The following FAR2 variants were observed in gnomAD, a reference collection of about 807,000 sequenced individuals.
FAR2 encodes fatty acyl-CoA reductase 2.
A neutral mutation model predicts 56.0 loss-of-function variants in FAR2; 19 were observed. The ratio of observed to expected loss-of-function variants is 0.34; its 90% confidence interval spans 0.24 to 0.50. The LOEUF (loss-of-function observed/expected upper bound fraction) is 0.50, where lower values mean the gene tolerates loss of function less well. Ranked by LOEUF, FAR2 falls within the 20% of genes least tolerant of loss-of-function variation. The pLI is 0.98. For missense variants in FAR2, 508 were observed against 642.2 expected (o/e 0.79, Z 2.26); for synonymous variants, 219 against 218.8 (o/e 1.00, Z -0.01).
At chr12:29,199,679 G>A (rs1947381967) in intron 1 of FAR2, among the ~76,000 whole-genome samples, 1 of 113,834 alleles carries the variant, frequency 8.8e-6, no homozygotes. Context: ...GAATGGACAA[G>A]ATTCACATAT....
Position 29,157,106 on chromosome 12 carries a change from TTATATATATATATATA to T in FAR2, c.-39+7723_-39+7738del, listed in dbSNP as rs5797307. On this transcript the variant is annotated intron_variant, in intron 1 of 11. Transcript: ENST00000536681. ...CACCAGTATTAAAGCAAAGAACATTTTATATATATATATATATATATATATATATATATATATATGT... is the reference window on the plus strand; with the variant it reads ...CACCAGTATTAAAGCAAAGAACATTTTATATATATATATATATATATATGT... 1.9e-3 allele frequency: 141 copies of T among 73,448 alleles called. 2 individuals carry two copies. Among genetic ancestry groups the T allele is most frequent in the African/African-American group, 6.9e-3 (130 of 18,930 alleles). 4.5% of individuals were successfully genotyped at this position (73,448 alleles called of 1,614,324 possible). A position where few individuals can be genotyped will look rare whatever the true frequency, so the allele number is the denominator to read the frequency against.
rs1380288544 is a variant in FAR2 at position 29,334,002 on chromosome 12, G to C, written c.*208G>C. 2.4e-6 allele frequency: 1 copy of C among 422,176 alleles called. No individual in the cohort carries two copies. The allele number at this position is 422,176 out of a possible 1,614,324, so 26.2% of individuals were successfully genotyped here. ...CTAGCCCATAGTCACCTATATTTTA[G>C]GGAAAAAAATCCAAATTGTTTCCTA... On this transcript the variant is annotated 3_prime_UTR_variant, in exon 12 of 12. Coordinates refer to ENST00000536681, the MANE Select transcript of FAR2 (RefSeq NM_001271783.2).
Position 29,267,636 on chromosome 12 carries a change from G to A in FAR2, c.-38-2776G>A, listed in dbSNP as rs369163281. 3.3e-5 allele frequency among the ~76,000 whole-genome samples: 5 copies of A among 152,296 alleles called. No individual in the cohort carries two copies. The East Asian group carries it at 5.8e-4, about 18-fold the overall frequency. ...TGTTTCCAAGTGCTAAATTCTTGAG[G>A]AAGTCACTGGGTGAATTGTAATATA... On this transcript the variant is annotated intron_variant, in intron 1 of 11. Coordinates refer to ENST00000536681, the MANE Select transcript of FAR2 (RefSeq NM_001271783.2).
intron 1 of FAR2, among the ~76,000 whole-genome samples, chr12:29,179,176 C>T (rs1949968616): frequency 6.6e-6 from 1 of 152,170 alleles, no homozygotes; most frequent in Non-Finnish European, 1.5e-5. Context: ...TGGTCACATT[C>T]TGAGGTTATC....
chr12:29,208,347 G>A (rs1297432262), intron 1 of FAR2, among the ~76,000 whole-genome samples: 1 of 152,204 alleles, frequency 6.6e-6, no homozygotes, highest in African/African-American at 2.4e-5. Context: ...AGGCTAGACA[G>A]GGCAGTCTGC....
chr12:29,176,918 G>A (rs1949944614), intron 1 of FAR2, among the ~76,000 whole-genome samples: 1 of 152,212 alleles, frequency 6.6e-6, no homozygotes, highest in Non-Finnish European at 1.5e-5. Context: ...GGAGAAGGCA[G>A]AAATTATAGG....
At position 29,293,273 on chromosome 12, in the gene FAR2, G is replaced by T. The variant is rs1275152870; in HGVS notation, c.190-27G>T. On this transcript the variant is annotated intron_variant, in intron 2 of 11. Coordinates refer to ENST00000536681, the MANE Select transcript of FAR2 (RefSeq NM_001271783.2). Reference sequence around the variant, plus strand: ...TGTGATAATGATGGTGCTATTTTTTGTATATTGATCTATATTTATGTTTCA... The same window carrying T: ...TGTGATAATGATGGTGCTATTTTTTTTATATTGATCTATATTTATGTTTCA... 7 of 1,477,892 alleles carry T rather than the reference G, an allele frequency of 4.7e-6. No individual in the cohort carries two copies. The South Asian group carries it at 5.6e-5, about 12-fold the overall frequency. The allele number at this position is 1,477,892 out of a possible 1,614,324, so 91.5% of individuals were successfully genotyped here.
Position 29,334,608 on chromosome 12 carries a change from A to T in FAR2, c.*814A>T, listed in dbSNP as rs1949773251. ...TTCTAAAAGTTGCCAAACCCTTTATATTTAAGCTTTTTCCACTCAGGACTC... is the reference window on the plus strand; with the variant it reads ...TTCTAAAAGTTGCCAAACCCTTTATTTTTAAGCTTTTTCCACTCAGGACTC... On this transcript the variant is annotated 3_prime_UTR_variant, in exon 12 of 12. Transcript: ENST00000536681. 6.6e-6 allele frequency: 1 copy of T among 152,098 alleles called. No individual in the cohort carries two copies. The highest frequency in any genetic ancestry group is 2.4e-5 in the African/African-American group (1 of 41,440). 9.4% of individuals were successfully genotyped at this position (152,098 alleles called of 1,614,324 possible). A position where few individuals can be genotyped will look rare whatever the true frequency, so the allele number is the denominator to read the frequency against.
Position 29,230,144 on chromosome 12 carries a change from A to C in FAR2, c.-38-40268A>C, listed in dbSNP as rs551147731. Among the ~76,000 whole-genome samples the C allele has an allele frequency of 9.2e-5, 14 of 152,326 alleles. No individual in the cohort carries two copies. In the South Asian group the frequency reaches 2.7e-3, roughly 29 times the overall value. On this transcript the variant is annotated intron_variant, in intron 1 of 11. Coordinates refer to ENST00000536681, the MANE Select transcript of FAR2 (RefSeq NM_001271783.2). ...TCATCTGAATAAACAGATGACAGATAAACTATAAACAGATGACTAGAAACA... is the reference window on the plus strand; with the variant it reads ...TCATCTGAATAAACAGATGACAGATCAACTATAAACAGATGACTAGAAACA...
intron 1 of FAR2, among the ~76,000 whole-genome samples, chr12:29,211,006 A>AGT (rs556386106): frequency 1.3e-5 from 2 of 151,626 alleles, no homozygotes; most frequent in African/African-American, 2.4e-5. Flanking sequence ...TCATGCCTAT[A>AGT]GTGTGTGTGT....
At chr12:29,284,835 G>GTTTGTTTT (rs1173320011) in intron 2 of FAR2, among the ~76,000 whole-genome samples, 1 of 148,834 alleles carries the variant, frequency 6.7e-6, no homozygotes, top group Admixed American at 6.7e-5. Context: ...TTACTGTTTT[G>GTTTGTTTT]TTTGTTTGTT....
chr12:29,217,984 A>AGAGGAG lies in FAR2; in HGVS notation c.-38-52410_-38-52405dup, dbSNP rs143213052. On this transcript the variant is annotated intron_variant, in intron 1 of 11. Transcript: ENST00000536681. ...AATGGAATTCTGAAGAAGAAGACAA[A>AGAGGAG]GAGGAGGAGGAGGAGGAGGAGGAAG... is the stretch of plus-strand genomic sequence containing the variant. 8.9e-3 allele frequency among the ~76,000 whole-genome samples: 1,340 copies of AGAGGAG among 151,400 alleles called. 20 individuals carry two copies. Among genetic ancestry groups the AGAGGAG allele is most frequent in the African/African-American group, 0.028 (1,145 of 41,116 alleles).
chr12:29,299,903 C>T (rs1303960443), intron 4 of FAR2, among the ~76,000 whole-genome samples: 1 of 152,232 alleles, frequency 6.6e-6, no homozygotes, highest in African/African-American at 2.4e-5. Context: ...AGGCACCCTT[C>T]CCAAGTGCTC....
intron 2 of FAR2, among the ~76,000 whole-genome samples, chr12:29,287,363 TAGTGAACTAGCAACAATTTTA>T (rs1466854313): frequency 6.6e-6 from 1 of 152,246 alleles, no homozygotes; most frequent in Non-Finnish European, 1.5e-5. Context: ...TGAGAGTTAC[TAGTGAACTAGCAACAATTTTA>T]ACATTTTGTG....
chr12:29,270,400 C>T lies in FAR2; in HGVS notation c.-38-12C>T. 6.8e-7 allele frequency: 1 copy of T among 1,465,896 alleles called. No individual in the cohort carries two copies. Among genetic ancestry groups the T allele is most frequent in the Non-Finnish European group, 9.1e-7 (1 of 1,093,504 alleles). The allele number at this position is 1,465,896 out of a possible 1,614,324, so 90.8% of individuals were successfully genotyped here. On this transcript the variant is annotated splice_polypyrimidine_tract_variant and intron_variant, in intron 1 of 11. Coordinates refer to ENST00000536681, the MANE Select transcript of FAR2 (RefSeq NM_001271783.2). ...GAAGATGTAATCTTTTGTTATTTCT[C>T]TTCCTTTTCAGGAACCTCTTTCAGG...
At chr12:29,191,935 A>G (rs7309041) in intron 1 of FAR2, among the ~76,000 whole-genome samples, 124,327 of 152,198 alleles carry the variant, frequency 0.82, 51,093 homozygotes, top group East Asian at 0.91. Flanking sequence ...GCAAGGTAAC[A>G]AATTCTTGTA....
At chr12:29,229,035 A>G (rs1947812918) in intron 1 of FAR2, among the ~76,000 whole-genome samples, 1 of 152,212 alleles carries the variant, frequency 6.6e-6, no homozygotes, top group Non-Finnish European at 1.5e-5. Context: ...TTAGGTCAAC[A>G]ATGCTTGTTT....
At chr12:29,150,573 C>A (rs1949674493) in intron 1 of FAR2, among the ~76,000 whole-genome samples, 1 of 152,046 alleles carries the variant, frequency 6.6e-6, no homozygotes, top group African/African-American at 2.4e-5. Context: ...TGTAGTTAGT[C>A]CAAAATTTAG....
At chr12:29,331,112 TA>T (rs887311442) in intron 10 of FAR2, among the ~76,000 whole-genome samples, 1 of 152,134 alleles carries the variant, frequency 6.6e-6, no homozygotes, top group African/African-American at 2.4e-5. Flanking sequence ...TTTTAGCTAT[TA>T]AAGTCCTTCC....
Sources: gnomAD v4.1 joint callset for allele counts (sites outside exome capture counted in the v4.1 genomes callset) on GRCh38, gnomAD v4.1.1 for gene constraint, MANE v1.5 for transcripts, NCBI Gene and HGNC (gene_info 2026-07-23, HGNC 2026-07-21) for gene names.